Variants in CSNK1G1 observed in about 807,000 individuals in gnomAD.
The protein encoded by CSNK1G1 is casein kinase I isoform gamma-1.
CSNK1G1 carries 22 observed loss-of-function variants against 59.6 expected under a neutral mutation model. The observed-to-expected ratio is 0.37, with a 90% CI of 0.26 to 0.53. The LOEUF (loss-of-function observed/expected upper bound fraction) is 0.53. Ranked by LOEUF, CSNK1G1 falls within the 20% of genes least tolerant of loss-of-function variation. CSNK1G1 has a pLI of 0.89. For missense variants in CSNK1G1, 384 were observed against 519.5 expected (o/e 0.74, Z 2.54); for synonymous variants, 179 against 177.1 (o/e 1.01, Z -0.08).
intron 9 of CSNK1G1, among the ~76,000 whole-genome samples, chr15:64,203,694 TAAAAAAAAAAA>T (rs531367701): frequency 9.3e-4 from 52 of 56,178 alleles, no homozygotes; most frequent in Admixed American, 1.8e-3. Flanking sequence ...TGAAACTCCG[TAAAAAAAAAAA>T]AAAAAAAAAA....
At chr15:64,231,483 G>T (rs2082548858) in intron 4 of CSNK1G1, among the ~76,000 whole-genome samples, 1 of 149,936 alleles carries the variant, frequency 6.7e-6, no homozygotes, top group African/African-American at 2.4e-5. Context: ...TAGGTGCTGT[G>T]CCTATCTTGT....
chr15:64,190,273 G>C (rs535691420), intron 10 of CSNK1G1, among the ~76,000 whole-genome samples: 137 of 152,134 alleles, frequency 9.0e-4, no homozygotes, highest in Non-Finnish European at 1.3e-3. Context: ...ATAAATGAGG[G>C]GTTTGATTTT....
At chr15:64,172,083 CT>C (rs1045640107) in intron 11 of CSNK1G1, 98 bp from the exon 12 acceptor site, 228 of 1,092,072 alleles carry the variant, frequency 2.1e-4, no homozygotes, top group Non-Finnish European at 2.7e-4. Context: ...AATTTTCCCC[CT>C]AGCACCCACC....
At chr15:64,303,753 GAA>G (rs66734118) in intron 1 of CSNK1G1, among the ~76,000 whole-genome samples, 4 of 114,050 alleles carry the variant, frequency 3.5e-5, no homozygotes, top group Admixed American at 9.0e-5. Flanking sequence ...CCCGTCTCAA[GAA>G]AAAAAAAAAA....
At chr15:64,244,603 C>T (rs1891654188) in intron 4 of CSNK1G1, among the ~76,000 whole-genome samples, 1 of 152,054 alleles carries the variant, frequency 6.6e-6, no homozygotes, top group Non-Finnish European at 1.5e-5. Context: ...CAAAGCAAGG[C>T]CAGGCATAAT....
At chr15:64,246,551 A>G (rs1206049712) in intron 4 of CSNK1G1, among the ~76,000 whole-genome samples, 1 of 148,256 alleles carries the variant, frequency 6.7e-6, no homozygotes, top group African/African-American at 2.5e-5. Flanking sequence ...AGAGCCAAAG[A>G]ATTTGAGGCT....
chr15:64,249,553 G>A (rs1452348073), intron 4 of CSNK1G1, among the ~76,000 whole-genome samples: 2 of 152,162 alleles, frequency 1.3e-5, no homozygotes, highest in Non-Finnish European at 2.9e-5. Context: ...ACAGACCAAC[G>A]ATGGCCAGCC....
intron 2 of CSNK1G1, among the ~76,000 whole-genome samples, chr15:64,262,588 A>G (rs956212154): frequency 6.6e-6 from 1 of 152,194 alleles, no homozygotes; most frequent in African/African-American, 2.4e-5. Flanking sequence ...ATAATATCCA[A>G]TGCCAGGTCC....
intron 2 of CSNK1G1, among the ~76,000 whole-genome samples, chr15:64,264,345 G>A (rs1046541798): frequency 6.6e-6 from 1 of 152,048 alleles, no homozygotes; most frequent in Non-Finnish European, 1.5e-5. Flanking sequence ...TAGAAAACCT[G>A]AAGAGAATAA....
At chr15:64,258,752 A>C (rs1160964193) in intron 3 of CSNK1G1, among the ~76,000 whole-genome samples, 1 of 152,174 alleles carries the variant, frequency 6.6e-6, no homozygotes, top group Non-Finnish European at 1.5e-5. Context: ...TGCTTCTAAT[A>C]TGACCATATG....
intron 3 of CSNK1G1, among the ~76,000 whole-genome samples, chr15:64,256,030 T>C (rs779946605): frequency 2.0e-5 from 3 of 152,216 alleles, no homozygotes; most frequent in Admixed American, 6.5e-5. Flanking sequence ...TCTCTTCAGA[T>C]AGAGAGGTAT....
At chr15:64,306,617 G>A (rs1227049644) in intron 1 of CSNK1G1, among the ~76,000 whole-genome samples, 1 of 152,132 alleles carries the variant, frequency 6.6e-6, no homozygotes, top group African/African-American at 2.4e-5. Flanking sequence ...CTATGACCCA[G>A]CACATTTCTT....
chr15:64,238,991 A>C (rs2082658482), intron 4 of CSNK1G1, among the ~76,000 whole-genome samples: 1 of 152,120 alleles, frequency 6.6e-6, no homozygotes, highest in Non-Finnish European at 1.5e-5. Context: ...ACTACCAAAA[A>C]ACTCTATACC....
rs139479666 is a variant in CSNK1G1, at chr15:64,205,870, G to C, written c.766-921C>G. ...AAAATCTCAAAGGGAATGGGTGGAAGTCTTACGTTTTAGGACAATAGTCTA... is the reference window on the plus strand; with the variant it reads ...AAAATCTCAAAGGGAATGGGTGGAACTCTTACGTTTTAGGACAATAGTCTA... On this transcript the variant is annotated intron_variant, in intron 7 of 11. Coordinates refer to ENST00000303052, the MANE Select transcript of CSNK1G1 (RefSeq NM_022048.5). Among the ~76,000 whole-genome samples, 7 of 152,294 alleles carry C rather than the reference G, an allele frequency of 4.6e-5. No individual in the cohort carries two copies. The East Asian group carries it at 1.3e-3, about 29-fold the overall frequency.
chr15:64,354,057 G>A (rs1230045926), intron 1 of CSNK1G1, among the ~76,000 whole-genome samples: 2 of 152,098 alleles, frequency 1.3e-5, no homozygotes, highest in Non-Finnish European at 1.5e-5. Context: ...TGTAATCCCA[G>A]CACTTTGGGA....
At chr15:64,313,813 A>G (rs959333605) in intron 1 of CSNK1G1, among the ~76,000 whole-genome samples, 2 of 151,200 alleles carry the variant, frequency 1.3e-5, no homozygotes, top group African/African-American at 4.8e-5. Flanking sequence ...AACCCCAAAA[A>G]CCAAGAACTT....
At chr15:64,333,215 C>T (rs1897206008) in intron 1 of CSNK1G1, among the ~76,000 whole-genome samples, 1 of 136,284 alleles carries the variant, frequency 7.3e-6, no homozygotes, top group Non-Finnish European at 1.5e-5. Flanking sequence ...CCAGATTGCG[C>T]CATTGCACTC....
intron 3 of CSNK1G1, among the ~76,000 whole-genome samples, chr15:64,251,953 C>A (rs1042932944): frequency 6.6e-6 from 1 of 151,974 alleles, no homozygotes; most frequent in African/African-American, 2.4e-5. Context: ...TTGGGTGGTT[C>A]ATGGTTTTAT....
At chr15:64,316,489 T>G (rs1308732525) in intron 1 of CSNK1G1, among the ~76,000 whole-genome samples, 1 of 127,004 alleles carries the variant, frequency 7.9e-6, no homozygotes, top group African/African-American at 3.0e-5. Context: ...TAAGCTGAAA[T>G]CATGCCACTG....
Sources: gnomAD v4.1 joint callset for allele counts (sites outside exome capture counted in the v4.1 genomes callset) on GRCh38, gnomAD v4.1.1 for gene constraint, MANE v1.5 for transcripts, NCBI Gene and HGNC (gene_info 2026-07-23, HGNC 2026-07-21) for gene names.